CAMK1D: variants seen among roughly 807,000 people sequenced by gnomAD.
CAMK1D encodes calcium/calmodulin dependent protein kinase ID.
In CAMK1D, 9 loss-of-function variants were observed where a neutral mutation model predicts 47.7. The observed-to-expected ratio is 0.19, with a 90% confidence interval of 0.11 to 0.33. The LOEUF (loss-of-function observed/expected upper bound fraction) is 0.33, where lower values mean the gene tolerates loss of function less well. Among genes scored for constraint, CAMK1D ranks in the 10% least tolerant of loss-of-function variants. CAMK1D has a pLI of 1.00. For synonymous variants in CAMK1D, 184 were observed against 184.9 expected (o/e 0.99, Z 0.04); for missense variants, 291 against 488.7 (o/e 0.60, Z 3.81).
At chr10:12,790,866 T>C (rs1005150062) in intron 5 of CAMK1D, among the ~76,000 whole-genome samples, 1 of 151,988 alleles carries the variant, frequency 6.6e-6, no homozygotes, top group Non-Finnish European at 1.5e-5. Context: ...CATGGTGGCA[T>C]GCACCTGTGG....
intron 3 of CAMK1D, among the ~76,000 whole-genome samples, chr10:12,692,505 A>G (rs1832966941): frequency 6.6e-6 from 1 of 152,206 alleles, no homozygotes; most frequent in African/African-American, 2.4e-5. Flanking sequence ...ATGAAATGTC[A>G]TAACGTTGTT....
intron 1 of CAMK1D, among the ~76,000 whole-genome samples, chr10:12,431,958 T>C (rs1007718821): frequency 6.6e-6 from 1 of 152,216 alleles, no homozygotes; most frequent in African/African-American, 2.4e-5. Flanking sequence ...AGACCTGTCA[T>C]CCCTGGGGAG....
At chr10:12,579,336 C>T (rs11257902) in intron 2 of CAMK1D, among the ~76,000 whole-genome samples, 1 of 152,158 alleles carries the variant, frequency 6.6e-6, no homozygotes, top group Non-Finnish European at 1.5e-5. Flanking sequence ...TGTTGGGCCC[C>T]GTGGCCTTAT....
chr10:12,669,621 A>G (rs1383719867), intron 3 of CAMK1D, among the ~76,000 whole-genome samples: 1 of 152,162 alleles, frequency 6.6e-6, no homozygotes, highest in Non-Finnish European at 1.5e-5. Flanking sequence ...CCTTAAAGCC[A>G]CCACCACTGT....
intron 3 of CAMK1D, among the ~76,000 whole-genome samples, chr10:12,751,516 C>T (rs1041448052): frequency 2.0e-5 from 3 of 152,156 alleles, no homozygotes; most frequent in Admixed American, 2.0e-4. Flanking sequence ...CAGGCATTGC[C>T]CTGCCTTCGT....
At chr10:12,465,419 A>T (rs1833561307) in intron 1 of CAMK1D, among the ~76,000 whole-genome samples, 1 of 151,550 alleles carries the variant, frequency 6.6e-6, no homozygotes, top group South Asian at 2.1e-4. Flanking sequence ...CAGTGGTGTG[A>T]TCTCGGCTCA....
chr10:12,596,523 G>C (rs1275451095), intron 2 of CAMK1D, among the ~76,000 whole-genome samples: 1 of 152,094 alleles, frequency 6.6e-6, no homozygotes, highest in Admixed American at 6.5e-5. Flanking sequence ...TCAGCCTAGT[G>C]GCCTCCCAGT....
chr10:12,546,146 A>G (rs1836363104), intron 1 of CAMK1D, among the ~76,000 whole-genome samples: 1 of 152,226 alleles, frequency 6.6e-6, no homozygotes. Context: ...TGACATAATC[A>G]AATCTTATTT....
At chr10:12,501,619 C>T (rs1025543184) in intron 1 of CAMK1D, among the ~76,000 whole-genome samples, 1 of 151,692 alleles carries the variant, frequency 6.6e-6, no homozygotes, top group East Asian at 2.0e-4. Context: ...TGCGGAGATA[C>T]GCATATTCCA....
At chr10:12,535,862 C>G (rs907519463) in intron 1 of CAMK1D, among the ~76,000 whole-genome samples, 3 of 152,178 alleles carry the variant, frequency 2.0e-5, no homozygotes, top group Non-Finnish European at 2.9e-5. Flanking sequence ...TGAATCTTTT[C>G]ATAACCCCAT....
rs760162495 is a variant in CAMK1D, at chr10:12,553,365, T to C, written c.224+9T>C. 6 of 1,599,070 alleles carry C rather than the reference T, an allele frequency of 3.8e-6. No individual in the cohort carries two copies. The highest frequency in any genetic ancestry group is 1.1e-5 in the South Asian group (1 of 90,772). ...ATAGCCGTCCTGAGAAAGTAAGTGCTGGAGGGCAACCCTCCTCCCTTCCCT... is the reference window on the plus strand; with the variant it reads ...ATAGCCGTCCTGAGAAAGTAAGTGCCGGAGGGCAACCCTCCTCCCTTCCCT... On this transcript the variant is annotated intron_variant, in intron 2 of 10. Transcript: ENST00000619168.
intron 1 of CAMK1D, among the ~76,000 whole-genome samples, chr10:12,473,685 C>T (rs971004137): frequency 1.1e-4 from 17 of 152,246 alleles, no homozygotes; most frequent in African/African-American, 2.6e-4. Flanking sequence ...GACTAGATGG[C>T]GGAGTCGGCT....
At chr10:12,683,934 T>C (rs1275074322) in intron 3 of CAMK1D, among the ~76,000 whole-genome samples, 4 of 152,172 alleles carry the variant, frequency 2.6e-5, no homozygotes, top group Non-Finnish European at 5.9e-5. Flanking sequence ...TATTTTTCAC[T>C]CATCATAGAT....
chr10:12,706,007 T>C (rs1184864241), intron 3 of CAMK1D, among the ~76,000 whole-genome samples: 1 of 152,232 alleles, frequency 6.6e-6, no homozygotes, highest in Admixed American at 6.5e-5. Flanking sequence ...TTTAGATAAT[T>C]ACAGTGCAGT....
intron 2 of CAMK1D, among the ~76,000 whole-genome samples, chr10:12,555,461 A>C (rs773100673): frequency 2.0e-5 from 3 of 152,240 alleles, no homozygotes; most frequent in Admixed American, 6.5e-5. Flanking sequence ...ATTGTCTATT[A>C]GGAACCCAGT....
intron 1 of CAMK1D, among the ~76,000 whole-genome samples, chr10:12,359,137 T>C (rs1203484947): frequency 6.6e-6 from 1 of 152,190 alleles, no homozygotes; most frequent in Non-Finnish European, 1.5e-5. Context: ...TTCCTAGCTG[T>C]ATGGCTTTGG....
At chr10:12,411,857 G>A (rs899056431) in intron 1 of CAMK1D, among the ~76,000 whole-genome samples, 2 of 152,068 alleles carry the variant, frequency 1.3e-5, no homozygotes, top group Non-Finnish European at 2.9e-5. Context: ...GCCTCCCAAA[G>A]TGCTGGGATT....
At chr10:12,401,128 T>A (rs1259365631) in intron 1 of CAMK1D, among the ~76,000 whole-genome samples, 3 of 70,174 alleles carry the variant, frequency 4.3e-5, no homozygotes, top group Non-Finnish European at 5.0e-5. Context: ...AATATATGTA[T>A]TATATATATT....
intron 2 of CAMK1D, among the ~76,000 whole-genome samples, chr10:12,599,494 C>G (rs1328705450): frequency 6.6e-6 from 1 of 152,184 alleles, no homozygotes. Flanking sequence ...AGGAGAAACC[C>G]TCTGGGATGA....
Sources: gnomAD v4.1 joint callset for allele counts (sites outside exome capture counted in the v4.1 genomes callset) on GRCh38, gnomAD v4.1.1 for gene constraint, MANE v1.5 for transcripts, NCBI Gene and HGNC (gene_info 2026-07-23, HGNC 2026-07-21) for gene names.